CTNND2: variants seen among roughly 807,000 people sequenced by gnomAD.
The protein encoded by CTNND2 is catenin delta 2.
In CTNND2, 22 loss-of-function variants were observed where a neutral mutation model predicts 144.4. That is an observed-to-expected ratio of 0.15 (90% CI 0.11 to 0.22). The LOEUF is 0.22. CTNND2 is among the 10% of genes least tolerant of loss of function. CTNND2 has a pLI of 1.00. For missense variants in CTNND2, 1,353 were observed against 1,618.8 expected (o/e 0.84, Z 2.82); for synonymous variants, 751 against 695.6 (o/e 1.08, Z -1.25).
At chr5:11,773,798 G>A (rs1264131594) in intron 1 of CTNND2, among the ~76,000 whole-genome samples, 5 of 121,362 alleles carry the variant, frequency 4.1e-5, no homozygotes, top group South Asian at 3.3e-4. Context: ...GTGACAGAGG[G>A]AGACTCCATC....
At chr5:11,721,128 T>G (rs2126717256) in intron 2 of CTNND2, among the ~76,000 whole-genome samples, 1 of 152,314 alleles carries the variant, frequency 6.6e-6, no homozygotes, top group African/African-American at 2.4e-5. Context: ...GAATATTATT[T>G]GGCAGTAAAA....
intron 1 of CTNND2, among the ~76,000 whole-genome samples, chr5:11,895,417 C>T (rs1194206269): frequency 6.6e-6 from 1 of 152,176 alleles, no homozygotes; most frequent in East Asian, 1.9e-4. Context: ...CCTGAAGACA[C>T]AGGAATTATT....
intron 3 of CTNND2, among the ~76,000 whole-genome samples, chr5:11,554,705 T>C (rs1776062161): frequency 6.6e-6 from 1 of 152,096 alleles, no homozygotes; most frequent in African/African-American, 2.4e-5. Context: ...CATCCTTTTC[T>C]TAAGATCAGA....
At chr5:11,676,485 C>T (rs1001792343) in intron 2 of CTNND2, among the ~76,000 whole-genome samples, 3 of 151,132 alleles carry the variant, frequency 2.0e-5, no homozygotes, top group South Asian at 2.1e-4. Flanking sequence ...GAAGAGCTCG[C>T]AAAAGAGATG....
chr5:11,490,820 C>G (rs17805650), intron 3 of CTNND2, among the ~76,000 whole-genome samples: 11 of 151,780 alleles, frequency 7.2e-5, no homozygotes, highest in African/African-American at 2.7e-4. Context: ...CAAATAATTG[C>G]TCATCAAAAT....
chr5:11,792,672 C>T (rs541439126), intron 1 of CTNND2, among the ~76,000 whole-genome samples: 3 of 152,352 alleles, frequency 2.0e-5, no homozygotes, highest in East Asian at 3.9e-4. Flanking sequence ...TATAAAATTA[C>T]ACTTCTTGTC....
At chr5:11,601,701 ATCT>A (rs1779807092) in intron 2 of CTNND2, among the ~76,000 whole-genome samples, 1 of 152,124 alleles carries the variant, frequency 6.6e-6, no homozygotes, top group Non-Finnish European at 1.5e-5. Flanking sequence ...ATCACTTTTG[ATCT>A]TCTTAATAAT....
intron 11 of CTNND2, among the ~76,000 whole-genome samples, chr5:11,189,504 C>A (rs913767686): frequency 1.3e-5 from 2 of 152,278 alleles, no homozygotes; most frequent in African/African-American, 2.4e-5. Context: ...AGGATCCACT[C>A]TTACTTAATA....
At chr5:11,719,011 A>G (rs1448869215) in intron 2 of CTNND2, among the ~76,000 whole-genome samples, 1 of 152,252 alleles carries the variant, frequency 6.6e-6, no homozygotes, top group Admixed American at 6.5e-5. Flanking sequence ...TGGGCATCCT[A>G]ATAAACTAAT....
chr5:11,097,919 C>T (rs547774367), intron 15 of CTNND2, among the ~76,000 whole-genome samples: 60 of 152,208 alleles, frequency 3.9e-4, no homozygotes, highest in African/African-American at 1.3e-3. Context: ...GCATTGGTGA[C>T]CAGACTCAGG....
chr5:11,509,731 CTT>C (rs1482917198), intron 3 of CTNND2, among the ~76,000 whole-genome samples: 1 of 152,156 alleles, frequency 6.6e-6, no homozygotes, highest in Non-Finnish European at 1.5e-5. Flanking sequence ...GATCTAGTCT[CTT>C]TACTTCTCTT....
chr5:11,877,530 A>G (rs1262448204), intron 1 of CTNND2, among the ~76,000 whole-genome samples: 1 of 152,170 alleles, frequency 6.6e-6, no homozygotes, highest in East Asian at 1.9e-4. Flanking sequence ...CCATATTTTG[A>G]AATATAAGCA....
chr5:11,186,433 C>T (rs1735633979), intron 11 of CTNND2, among the ~76,000 whole-genome samples: 1 of 152,198 alleles, frequency 6.6e-6, no homozygotes, highest in Non-Finnish European at 1.5e-5. Context: ...GAAGCGATTC[C>T]ACTTATTTTC....
At chr5:11,441,627 TCCCCACCCCCCA>T (rs1764272634) in intron 3 of CTNND2, among the ~76,000 whole-genome samples, 1 of 137,908 alleles carries the variant, frequency 7.3e-6, no homozygotes, top group African/African-American at 2.7e-5. Context: ...GGTAATCCAC[TCCCCACCCCCCA>T]CCCCACCCCC....
rs188157127 is a variant in CTNND2 at position 11,460,655 on chromosome 5, G to A, written c.288-48586C>T. ...CCTTCCAGTACCCCAGGGCCTTTGC[G>A]CTTGCCACCCTACTACTTTGCCTCA... On this transcript the variant is annotated intron_variant, in intron 3 of 21. Transcript: ENST00000304623. 3.9e-4 allele frequency among the ~76,000 whole-genome samples: 59 copies of A among 152,120 alleles called. No individual in the cohort carries two copies. In the South Asian group the frequency reaches 8.7e-3, roughly 22 times the overall value.
At chr5:11,446,801 A>G (rs1561407236) in intron 3 of CTNND2, among the ~76,000 whole-genome samples, 3 of 152,078 alleles carry the variant, frequency 2.0e-5, no homozygotes, top group African/African-American at 4.8e-5. Flanking sequence ...AGGCTAGGAG[A>G]CAGCATGCCA....
At chr5:11,323,823 G>A (rs752295938) in intron 9 of CTNND2, among the ~76,000 whole-genome samples, 2 of 152,128 alleles carry the variant, frequency 1.3e-5, no homozygotes, top group African/African-American at 2.4e-5. Flanking sequence ...AAGCTGAGCA[G>A]GTGAGCAATA....
rs142069181 is a variant in CTNND2, at chr5:11,370,062, A to T, written c.1178-5172T>A. Among the ~76,000 whole-genome samples, 28 of 152,292 alleles carry T rather than the reference A, an allele frequency of 1.8e-4. No homozygotes were observed. In the South Asian group the frequency reaches 2.7e-3, roughly 15 times the overall value. The stretch of plus-strand genomic sequence containing the variant: ...AATGAAAGGATTTTTTTAACTCAAA[A>T]TTTCAAAATCACGGAAACACATTTT... On this transcript the variant is annotated intron_variant, in intron 7 of 21. Transcript: ENST00000304623.
At chr5:11,029,185 A>G (rs547178785) in intron 16 of CTNND2, among the ~76,000 whole-genome samples, 1 of 152,332 alleles carries the variant, frequency 6.6e-6, no homozygotes, top group African/African-American at 2.4e-5. Flanking sequence ...TTGAATCTAA[A>G]GTAAGTTTTT....
Sources: allele counts gnomAD v4.1 joint callset (sites outside exome capture counted in the v4.1 genomes callset), GRCh38; gene constraint gnomAD v4.1.1; transcripts MANE v1.5; gene names NCBI Gene and HGNC (gene_info 2026-07-23, HGNC 2026-07-21).